ZNF638: variants seen among roughly 807,000 people sequenced by gnomAD.
ZNF638 encodes zinc finger protein 638.
In ZNF638, 46 loss-of-function variants were observed where a neutral mutation model predicts 195.6. The observed-to-expected ratio is 0.24, with a 90% confidence interval of 0.19 to 0.30. The LOEUF is 0.30. Ranked by LOEUF, ZNF638 falls within the 10% of genes least tolerant of loss-of-function variation. ZNF638 has a pLI of 1.00. For synonymous variants in ZNF638, 845 were observed against 772.0 expected, an observed-to-expected ratio of 1.09 and a Z score of -1.57; for missense variants, 2,440 against 2,325.3, an observed-to-expected ratio of 1.05 and a Z score of -1.01.
chr2:71,434,408 G>T (rs2080726206), intron 27 of ZNF638, among the ~76,000 whole-genome samples: 1 of 152,116 alleles, frequency 6.6e-6, no homozygotes, highest in Non-Finnish European at 1.5e-5. Flanking sequence ...TTACGTTGTT[G>T]CACTGTCTTT....
chr2:71,396,167 G>T lies in ZNF638; in HGVS notation c.2404G>T (p.Val802Leu). 1 of 1,613,206 alleles carries T rather than the reference G, an allele frequency of 6.2e-7. No individual in the cohort carries two copies. Residue 802 changes from valine to leucine, a missense_variant, in exon 11 of 28, where the codon GTA (valine) becomes TTA (leucine). Physicochemically the swap from Val to Leu is conservative, Grantham distance 32. This residue lies in a region of ZNF638 where 1,883 missense variants were observed against 1,739.1 expected (regional missense o/e 1.08). Transcript: ENST00000264447. ...CAAAACTGGACAAGCCAAGGCATCT[G>T]TAGCCAAAGTAAACAAATCTACAGG... ...AAKTGQAKAS[V>L]AKVNKSTGKS...
intron 15 of ZNF638, among the ~76,000 whole-genome samples, 170 bp downstream of exon 15, chr2:71,400,688 T>G (rs2079988796): frequency 6.6e-6 from 1 of 152,148 alleles, no homozygotes; most frequent in Non-Finnish European, 1.5e-5. Context: ...AAAAATGTGA[T>G]TTTAGCTCAA....
intron 1 of ZNF638, among the ~76,000 whole-genome samples, chr2:71,346,278 T>C (rs1319293625): frequency 1.3e-5 from 2 of 152,228 alleles, no homozygotes; most frequent in Non-Finnish European, 2.9e-5. Flanking sequence ...GCAATGCGTA[T>C]CTTTTAGGAT....
chr2:71,339,885 G>A (rs987095709), intron 1 of ZNF638, among the ~76,000 whole-genome samples: 1 of 152,234 alleles, frequency 6.6e-6, no homozygotes, highest in Non-Finnish European at 1.5e-5. Context: ...GCACATCTGC[G>A]GGGGAGCATC....
chr2:71,355,415 T>C (rs143801548), intron 2 of ZNF638, among the ~76,000 whole-genome samples: 30 of 152,342 alleles, frequency 2.0e-4, no homozygotes, highest in Middle Eastern at 3.4e-3. Context: ...TTTTTTCTGA[T>C]CCATGCTTTT....
At chr2:71,425,950 C>CGG (rs1558886095) in intron 23 of ZNF638, among the ~76,000 whole-genome samples, 1 of 152,114 alleles carries the variant, frequency 6.6e-6, no homozygotes, top group African/African-American at 2.4e-5. Flanking sequence ...CCACCACGCC[C>CGG]GGCCTGTATT....
At chr2:71,388,983 C>G (rs972184348) in intron 10 of ZNF638, among the ~76,000 whole-genome samples, 5 of 152,134 alleles carry the variant, frequency 3.3e-5, no homozygotes, top group Admixed American at 2.0e-4. Context: ...AAATCTTAAA[C>G]AATACCATAA....
rs140401069 is a variant in ZNF638 at position 71,377,751 on chromosome 2, A to G, written c.2266-2471A>G. Reference sequence around the variant, plus strand: ...GATATATTTAGAAGACACAATCTGTACATAAGTGGAATTCCAGAAAGAGGA... The same window carrying G: ...GATATATTTAGAAGACACAATCTGTGCATAAGTGGAATTCCAGAAAGAGGA... On this transcript the variant is annotated intron_variant, in intron 8 of 27. Transcript: ENST00000264447. Among the ~76,000 whole-genome samples, 1,212 of 152,354 alleles carry G rather than the reference A, an allele frequency of 8.0e-3. 7 individuals carry two copies. Among genetic ancestry groups the G allele is most frequent in the Non-Finnish European group, 0.012 (788 of 68,034 alleles).
At chr2:71,332,436 G>A (rs548314044) in intron 1 of ZNF638, among the ~76,000 whole-genome samples, 61 of 152,336 alleles carry the variant, frequency 4.0e-4, no homozygotes, top group African/African-American at 1.5e-3. Flanking sequence ...CGGGATGAAG[G>A]AGGGAATGTT....
rs1450225851 is a variant in ZNF638 at position 71,349,773 on chromosome 2, C to G, written c.819C>G (p.Asp273Glu). The change falls in exon 2 of 28, where the codon GAC (aspartate) becomes GAG (glutamate). Residue 273 changes from aspartate to glutamate, a missense_variant. This residue lies in a region of ZNF638 where 305 missense variants were observed against 283.6 expected (regional missense o/e 1.08). Transcript: ENST00000264447. Reference sequence around the variant, plus strand: ...TTGAAGACGTATTTCGCCAAATGGACTTCCCCGGTGAGTCCTCCAATAATC... The same window carrying G: ...TTGAAGACGTATTTCGCCAAATGGAGTTCCCCGGTGAGTCCTCCAATAATC... ...FPVEDVFRQM[D>E]FPGESSNNRS... is the part of the protein sequence containing the mutation. 1 of 1,614,178 alleles carries G rather than the reference C, an allele frequency of 6.2e-7. No homozygotes were observed. The highest frequency in any genetic ancestry group is 2.2e-5 in the East Asian group (1 of 44,874).
intron 20 of ZNF638, among the ~76,000 whole-genome samples, chr2:71,417,902 T>C (rs151021554): frequency 6.6e-6 from 1 of 152,342 alleles, no homozygotes; most frequent in East Asian, 1.9e-4. Flanking sequence ...CAGTTTTTAG[T>C]CTGACAAAAT....
chr2:71,395,264 C>A (rs1051747190), intron 10 of ZNF638: 2 of 717,256 alleles, frequency 2.8e-6, no homozygotes, highest in Non-Finnish European at 5.2e-6. Context: ...AGCCGGAATA[C>A]GAGCAGTAAT....
intron 16 of ZNF638, among the ~76,000 whole-genome samples, chr2:71,402,889 C>G (rs1019233373): frequency 6.6e-6 from 1 of 152,064 alleles, no homozygotes; most frequent in African/African-American, 2.4e-5. Context: ...TTTTGAGGCA[C>G]TCCGAGCCAA....
rs549407202 is a variant in ZNF638, at chr2:71,422,819, G to C, written c.3305G>C (p.Gly1102Ala). The change falls in exon 22 of 28, where the codon GGC becomes GCC. Residue 1102 changes from glycine (G) to alanine (A), a missense_variant. Physicochemically the swap from Gly to Ala is moderately conservative, Grantham distance 60. This residue lies in a region of ZNF638 where 1,883 missense variants were observed against 1,739.1 expected (regional missense o/e 1.08). Coordinates refer to ENST00000264447, the MANE Select transcript of ZNF638 (RefSeq NM_014497.5). ...TTGTTTTTAAATACTTTTAGCCCTGGCTTGAAAAACAGTCCAATTGATGAA... is the reference window on the plus strand; with the variant it reads ...TTGTTTTTAAATACTTTTAGCCCTGCCTTGAAAAACAGTCCAATTGATGAA... The part of the protein sequence containing the change: ...HDPELEKESP[G>A]LKNSPIDESE... 4 of 1,606,748 alleles carry C rather than the reference G, an allele frequency of 2.5e-6. No homozygotes were observed. The African/African-American group carries it at 5.4e-5, about 22-fold the overall frequency.
In ZNF638 at chr2:71,372,573, TC is replaced by T. The variant is rs765007736; in HGVS notation, c.2265+2569del. On this transcript the variant is annotated intron_variant, in intron 8 of 27. Transcript: ENST00000264447. ...TCTGCTACCCTCGTCAATGCCTCTTTCAGTGATACAAAGTCAAAACCAGGTA... is the reference window on the plus strand; with the variant it reads ...TCTGCTACCCTCGTCAATGCCTCTTTAGTGATACAAAGTCAAAACCAGGTA... Among the ~76,000 whole-genome samples, 6 of 152,224 alleles carry T rather than the reference TC, an allele frequency of 3.9e-5. No individual in the cohort carries two copies. The South Asian group carries it at 8.3e-4, about 21-fold the overall frequency.
chr2:71,400,105 C>A lies in ZNF638; in HGVS notation c.2588-7C>A. 6.3e-7 allele frequency: 1 copy of A among 1,597,888 alleles called. No individual in the cohort carries two copies. The highest frequency in any genetic ancestry group is 1.1e-5 in the South Asian group (1 of 87,574). On this transcript the variant is annotated splice_polypyrimidine_tract_variant and splice_region_variant and intron_variant, in intron 13 of 27. Transcript: ENST00000264447. ...ACTAGACTATTAAAGCAGACTATTT[C>A]ATGCAGAAAACTCTGAAATAAAGAC... is the stretch of plus-strand genomic sequence containing the variant.
At chr2:71,355,168 C>G (rs1395094539) in intron 2 of ZNF638, among the ~76,000 whole-genome samples, 1 of 151,992 alleles carries the variant, frequency 6.6e-6, no homozygotes, top group African/African-American at 2.4e-5. Context: ...CAGGGTTTCA[C>G]AGTAGTGTCG....
chr2:71,411,112 C>A (rs927929652), intron 20 of ZNF638, among the ~76,000 whole-genome samples: 1 of 150,948 alleles, frequency 6.6e-6, no homozygotes, highest in African/African-American at 2.4e-5. Context: ...ATTCTCCTGC[C>A]TCAGCCTTCC....
At chr2:71,396,934 G>A (rs1414226570) in intron 11 of ZNF638, among the ~76,000 whole-genome samples, 2 of 152,150 alleles carry the variant, frequency 1.3e-5, no homozygotes, top group Non-Finnish European at 2.9e-5. Flanking sequence ...GGGACAGAGT[G>A]AGACTCTGTC....
Sources: allele counts gnomAD v4.1 joint callset (sites outside exome capture counted in the v4.1 genomes callset), GRCh38; gene constraint gnomAD v4.1.1; regional missense constraint gnomAD v4.1.1; transcripts MANE v1.5; gene names NCBI Gene and HGNC (gene_info 2026-07-23, HGNC 2026-07-21).